SIPA1L3: variants seen among roughly 807,000 people sequenced by gnomAD.
SIPA1L3 encodes the protein signal-induced proliferation-associated 1-like protein 3.
A neutral mutation model predicts 150.1 loss-of-function variants in SIPA1L3; 59 were observed. The observed-to-expected ratio is 0.39, with a 90% CI of 0.32 to 0.49. The LOEUF is 0.49. Ranked by LOEUF, SIPA1L3 falls within the 20% of genes least tolerant of loss-of-function variation. The pLI is 0.86. For missense variants in SIPA1L3, 2,211 were observed against 2,489.5 expected (o/e 0.89, Z 2.38); for synonymous variants, 1,070 against 1,077.6 (o/e 0.99, Z 0.14).
intron 1 of SIPA1L3, among the ~76,000 whole-genome samples, chr19:38,017,144 G>A (rs1402615883): frequency 1.3e-5 from 2 of 152,084 alleles, no homozygotes; most frequent in African/African-American, 4.8e-5. Flanking sequence ...TCATCCACCT[G>A]CCTCGGCCTC....
intron 4 of SIPA1L3, among the ~76,000 whole-genome samples, chr19:38,091,574 C>G (rs1970259072): frequency 6.6e-6 from 1 of 152,144 alleles, no homozygotes; most frequent in Non-Finnish European, 1.5e-5. Flanking sequence ...AGAACAGGCA[C>G]AGAGAGGTTA....
intron 1 of SIPA1L3, among the ~76,000 whole-genome samples, chr19:38,026,106 C>A (rs902354521): frequency 5.9e-5 from 9 of 152,164 alleles, no homozygotes; most frequent in Non-Finnish European, 1.2e-4. Context: ...GGACACAGGG[C>A]CTGGGAGATT....
intron 1 of SIPA1L3, among the ~76,000 whole-genome samples, chr19:38,017,149 G>A (rs1046921911): frequency 1.3e-5 from 2 of 151,872 alleles, no homozygotes; most frequent in Non-Finnish European, 2.9e-5. Context: ...CACCTGCCTC[G>A]GCCTCCCAAA....
rs1330291061 is a variant in SIPA1L3, at chr19:38,198,742, A to G, written c.4984+210A>G. On this transcript the variant is annotated intron_variant, in intron 19 of 21. Transcript: ENST00000222345. ...TGCCAGCGAACCACGTTGACCAACA[A>G]GCGGAAGTGACCATGCCTGAGGCTG... Among the ~76,000 whole-genome samples, 4 of 152,234 alleles carry G rather than the reference A, an allele frequency of 2.6e-5. No individual in the cohort carries two copies. In the East Asian group the frequency reaches 7.7e-4, roughly 29 times the overall value.
At chr19:38,005,376 C>T (rs1353607460) in intron 1 of SIPA1L3, among the ~76,000 whole-genome samples, 1 of 152,080 alleles carries the variant, frequency 6.6e-6, no homozygotes, top group Admixed American at 6.6e-5. Context: ...CTGCAGATCC[C>T]TGTGCACTGC....
At chr19:38,187,829 C>G (rs1600188862) in intron 16 of SIPA1L3, among the ~76,000 whole-genome samples, 2 of 151,488 alleles carry the variant, frequency 1.3e-5, no homozygotes, top group East Asian at 3.9e-4. Flanking sequence ...GAAACCCCGT[C>G]TCTACGAAAA....
At chr19:38,134,757 A>G (rs897386791) in intron 10 of SIPA1L3, among the ~76,000 whole-genome samples, 2 of 148,500 alleles carry the variant, frequency 1.3e-5, no homozygotes, top group Non-Finnish European at 3.0e-5. Flanking sequence ...TACTTGGCCT[A>G]TAGGAGGCGC....
intron 15 of SIPA1L3, among the ~76,000 whole-genome samples, chr19:38,169,223 T>C (rs1415650898): frequency 1.3e-5 from 2 of 152,056 alleles, no homozygotes; most frequent in Admixed American, 6.6e-5. Context: ...ACCCCATCTC[T>C]ACTGAAAATA....
At chr19:38,111,934 T>C (rs1341032379) in intron 8 of SIPA1L3, among the ~76,000 whole-genome samples, 1 of 149,766 alleles carries the variant, frequency 6.7e-6, no homozygotes, top group East Asian at 2.0e-4. Flanking sequence ...CGTGCACACA[T>C]GCACATGCAC....
intron 1 of SIPA1L3, among the ~76,000 whole-genome samples, chr19:37,949,559 G>A (rs527974715): frequency 7.9e-5 from 12 of 152,204 alleles, no homozygotes; most frequent in South Asian, 4.1e-4. Context: ...CAGCTATTCC[G>A]GAGATTGAGG....
In SIPA1L3 at chr19:38,164,810, G is replaced by A. The variant is rs1972172882; in HGVS notation, c.4112G>A (p.Gly1371Asp). 1.2e-6 allele frequency: 2 copies of A among 1,611,234 alleles called. No individual in the cohort carries two copies. Among genetic ancestry groups the A allele is most frequent in the Non-Finnish European group, 8.5e-7 (1 of 1,178,770 alleles). Residue 1371 changes from glycine (G) to aspartate (D), a missense_variant, in exon 15 of 22, where the codon GGC becomes GAC. Transcript: ENST00000222345. The surrounding 1 kb of genome is among the most constrained non-coding windows in gnomAD (Gnocchi z 4.1). ...REVSPAPAVA[G>D]QSKGYRPKLY... ...GTCTCCCCTGCCCCCGCAGTTGCCG[G>A]CCAAAGCAAGGGCTACCGACCGAAG...
chr19:38,185,024 A>C (rs984652629), intron 16 of SIPA1L3: 4 of 152,676 alleles, frequency 2.6e-5, no homozygotes, highest in Admixed American at 6.6e-5. Context: ...CTCCACGTCC[A>C]GGCACACCCC....
At chr19:37,975,747 A>G (rs1967059560) in intron 1 of SIPA1L3, among the ~76,000 whole-genome samples, 1 of 152,214 alleles carries the variant, frequency 6.6e-6, no homozygotes, top group Admixed American at 6.5e-5. Flanking sequence ...GGACTGCCAG[A>G]CACAGACTTG....
At chr19:37,986,997 G>T (rs976939109) in intron 1 of SIPA1L3, among the ~76,000 whole-genome samples, 2 of 151,956 alleles carry the variant, frequency 1.3e-5, no homozygotes, top group Non-Finnish European at 2.9e-5. Context: ...GTGCGATCTC[G>T]GCTCACTGCA....
At chr19:38,197,880 C>CG (rs1199144699) in intron 18 of SIPA1L3, among the ~76,000 whole-genome samples, 1 of 150,408 alleles carries the variant, frequency 6.6e-6, no homozygotes, top group Admixed American at 6.6e-5. Context: ...AAATCCCCCC[C>CG]CAAACACACA....
intron 1 of SIPA1L3, among the ~76,000 whole-genome samples, chr19:37,978,241 G>A (rs911583907): frequency 1.3e-5 from 2 of 152,208 alleles, no homozygotes; most frequent in Non-Finnish European, 2.9e-5. Context: ...GCTTCCTCAC[G>A]TCACAAGGCA....
chr19:38,075,316 C>T (rs1182182924), intron 2 of SIPA1L3, among the ~76,000 whole-genome samples: 2 of 152,062 alleles, frequency 1.3e-5, no homozygotes, highest in African/African-American at 4.8e-5. Context: ...ATTAGCTGGG[C>T]GTGGTGGCAC....
intron 4 of SIPA1L3, among the ~76,000 whole-genome samples, chr19:38,095,689 G>T (rs971818138): frequency 1.3e-5 from 2 of 152,188 alleles, no homozygotes; most frequent in Non-Finnish European, 2.9e-5. Context: ...CAGGTGGGAG[G>T]TGATGGTGGG....
intron 1 of SIPA1L3, among the ~76,000 whole-genome samples, chr19:38,018,892 T>G (rs969692549): frequency 6.6e-6 from 1 of 152,136 alleles, no homozygotes; most frequent in Non-Finnish European, 1.5e-5. Flanking sequence ...AGTGAGGTAG[T>G]GCCCATTATT....
Sources: gnomAD v4.1 joint callset for allele counts (sites outside exome capture counted in the v4.1 genomes callset) on GRCh38, gnomAD v4.1.1 for gene constraint, Gnocchi (gnomAD v3.1) non-coding constraint, MANE v1.5 for transcripts, NCBI Gene and HGNC (gene_info 2026-07-23, HGNC 2026-07-21) for gene names.